UBAP2: variants seen among roughly 807,000 people sequenced by gnomAD.
The protein encoded by UBAP2 is ubiquitin associated protein 2, also known as ubiquitin-associated protein 2.
Under a neutral mutation model 139.6 loss-of-function variants are expected in UBAP2, and 75 were observed. That is an observed-to-expected ratio of 0.54 (90% CI 0.45 to 0.65). The LOEUF is 0.65. Among genes scored for constraint, UBAP2 ranks in the 30% least tolerant of loss-of-function variants. The pLI is 0.00. For missense variants in UBAP2, 1,368 were observed against 1,369.6 expected, an observed-to-expected ratio of 1.00 and a Z score of 0.02; for synonymous variants, 526 against 526.2, an observed-to-expected ratio of 1.00 and a Z score of 0.01.
At chr9:34,036,537 G>A (rs759261347) in intron 1 of UBAP2, among the ~76,000 whole-genome samples, 66 of 152,132 alleles carry the variant, frequency 4.3e-4, no homozygotes, top group Non-Finnish European at 7.2e-4. Flanking sequence ...ACAGGCAGCA[G>A]TACCCTGGAA....
chr9:33,925,343 G>C (rs1047545761), intron 22 of UBAP2, among the ~76,000 whole-genome samples: 5 of 152,172 alleles, frequency 3.3e-5, no homozygotes, highest in Admixed American at 2.6e-4. Flanking sequence ...AGCCCAGAAG[G>C]GGGAGCACTT....
chr9:34,028,120 C>T (rs1024863478), intron 1 of UBAP2, among the ~76,000 whole-genome samples: 2 of 151,874 alleles, frequency 1.3e-5, no homozygotes, highest in Admixed American at 6.6e-5. Context: ...AGGTTGAACT[C>T]CCCTACACCC....
rs529451447 is a variant in UBAP2, at chr9:34,040,956, C to G, written c.-42+7869G>C. On this transcript the variant is annotated intron_variant, in intron 1 of 28. Coordinates refer to ENST00000379238, the MANE Select transcript of UBAP2 (RefSeq NM_001370062.2). ...CATTACTTAGTAAAAGTTACACATA[C>G]CCTACATACAAACCAAAAATTCCAC... 7.6e-4 allele frequency among the ~76,000 whole-genome samples: 116 copies of G among 152,246 alleles called. 1 individual carries two copies. Among genetic ancestry groups the G allele is most frequent in the Admixed American group, 1.4e-3 (22 of 15,276 alleles).
chr9:34,039,028 G>A (rs974596407), intron 1 of UBAP2, among the ~76,000 whole-genome samples: 5 of 151,094 alleles, frequency 3.3e-5, no homozygotes, highest in Non-Finnish European at 7.4e-5. Flanking sequence ...GAGAAGTGAG[G>A]AGCCCCTCCG....
chr9:34,001,447 T>C (rs943271611), intron 2 of UBAP2, among the ~76,000 whole-genome samples: 1 of 152,162 alleles, frequency 6.6e-6, no homozygotes, highest in African/African-American at 2.4e-5. Context: ...GTGAACACGG[T>C]TGGTAAAACT....
intron 11 of UBAP2, among the ~76,000 whole-genome samples, chr9:33,954,149 T>C (rs10971819): frequency 0.079 from 12,027 of 151,992 alleles, 680 homozygotes; most frequent in Non-Finnish European, 0.12. Context: ...TCAAGTGAGC[T>C]GCCTGCTTTG....
intron 4 of UBAP2, 105 bp downstream of exon 4, chr9:33,996,118 G>T: frequency 1.3e-6 from 1 of 759,942 alleles, no homozygotes; most frequent in Non-Finnish European, 2.2e-6. Context: ...ATATGGAATG[G>T]CACCATAATC....
intron 22 of UBAP2, 74 bp from the exon 23 acceptor site, chr9:33,924,358 A>G: frequency 7.0e-7 from 1 of 1,436,778 alleles, no homozygotes; most frequent in Non-Finnish European, 9.8e-7. Context: ...CAGCACATGG[A>G]AGTGGTGACG....
chr9:33,982,553 T>G (rs1820854972), intron 6 of UBAP2, among the ~76,000 whole-genome samples: 1 of 152,240 alleles, frequency 6.6e-6, no homozygotes, highest in Admixed American at 6.5e-5. Context: ...TGTTTTTGAT[T>G]GTTTGCATTC....
intron 2 of UBAP2, among the ~76,000 whole-genome samples, chr9:34,001,304 G>C (rs1822681052): frequency 1.3e-5 from 2 of 152,224 alleles, no homozygotes; most frequent in African/African-American, 4.8e-5. Context: ...TACTAGGGTA[G>C]CCTCCTAGTG....
intron 2 of UBAP2, among the ~76,000 whole-genome samples, chr9:34,014,716 A>G (rs534446265): frequency 6.9e-6 from 1 of 145,654 alleles, no homozygotes; most frequent in South Asian, 2.2e-4. Flanking sequence ...AATCACTTGA[A>G]CCCGGGAAGT....
intron 1 of UBAP2, among the ~76,000 whole-genome samples, chr9:34,040,099 C>T (rs912020443): frequency 2.1e-4 from 32 of 150,816 alleles, no homozygotes; most frequent in Non-Finnish European, 4.1e-4. Context: ...GCGGAGGTTG[C>T]GTTGAGCCAA....
chr9:33,939,186 T>C (rs932179224), intron 16 of UBAP2, among the ~76,000 whole-genome samples: 5 of 122,660 alleles, frequency 4.1e-5, no homozygotes, highest in Admixed American at 1.1e-4. Flanking sequence ...TGATTTCCTA[T>C]GTCTTTTTTT....
chr9:34,041,065 G>C (rs1224402353), intron 1 of UBAP2, among the ~76,000 whole-genome samples: 1 of 152,030 alleles, frequency 6.6e-6, no homozygotes, highest in East Asian at 1.9e-4. Context: ...AGTAAAATTG[G>C]TAATCTCAAA....
chr9:33,973,560 CACT>C (rs1171865163), intron 6 of UBAP2, among the ~76,000 whole-genome samples: 3 of 152,058 alleles, frequency 2.0e-5, no homozygotes, highest in African/African-American at 7.2e-5. Flanking sequence ...AATTATAAGC[CACT>C]ACTATAAATG....
chr9:34,002,804 T>C (rs112631473), intron 2 of UBAP2, among the ~76,000 whole-genome samples: 2,317 of 151,018 alleles, frequency 0.015, 68 homozygotes, highest in African/African-American at 0.054. Context: ...CCACCCCCCA[T>C]AATTTCCCCC....
Position 33,926,671 on chromosome 9 carries a change from G to A in UBAP2, c.2464-7C>T, listed in dbSNP as rs1310738103. 7 of 1,614,178 alleles carry A rather than the reference G, an allele frequency of 4.3e-6. No individual in the cohort carries two copies. Among genetic ancestry groups the A allele is most frequent in the Non-Finnish European group, 5.1e-6 (6 of 1,180,026 alleles). ...GCTCGTCATAGCCATAGATCTGTGTGAGAACCAGAAAGTGTATTTTAGGAA... is the reference window on the plus strand; with the variant it reads ...GCTCGTCATAGCCATAGATCTGTGTAAGAACCAGAAAGTGTATTTTAGGAA... On this transcript the variant is annotated splice_polypyrimidine_tract_variant and splice_region_variant and intron_variant, in intron 21 of 28. Transcript: ENST00000379238.
intron 1 of UBAP2, among the ~76,000 whole-genome samples, chr9:34,039,847 TAAAAAAAA>T (rs74180526): frequency 5.9e-5 from 5 of 84,420 alleles, no homozygotes; most frequent in African/African-American, 2.2e-4. Context: ...CAATAAATAC[TAAAAAAAA>T]AAAAAAAAAA....
intron 20 of UBAP2, 108 bp from the exon 21 acceptor site, chr9:33,927,188 A>C: frequency 1.3e-6 from 1 of 792,874 alleles, no homozygotes; most frequent in Non-Finnish European, 2.0e-6. Flanking sequence ...AGATGGGTTC[A>C]AAGAAGGGCA....
Sources: gnomAD v4.1 joint callset for allele counts (sites outside exome capture counted in the v4.1 genomes callset) on GRCh38, gnomAD v4.1.1 for gene constraint, MANE v1.5 for transcripts, NCBI Gene and HGNC (gene_info 2026-07-23, HGNC 2026-07-21) for gene names.